The following GALNT6 variants were observed in gnomAD, a reference collection of about 807,000 sequenced individuals.
GALNT6 encodes the protein polypeptide N-acetylgalactosaminyltransferase 6, also known as GalNAc transferase 6.
A neutral mutation model predicts 65.9 loss-of-function variants in GALNT6; 51 were observed. The observed-to-expected ratio is 0.77, with a 90% confidence interval of 0.62 to 0.98. The LOEUF is 0.98. GALNT6 is among the 50% of genes least tolerant of loss of function. The probability of loss-of-function intolerance (pLI) is 0.00; values close to 1 mark genes in which losing one functional copy is unlikely to be tolerated. For synonymous variants in GALNT6, 323 were observed against 315.1 expected, an observed-to-expected ratio of 1.02 and a Z score of -0.26; for missense variants, 708 against 803.3, an observed-to-expected ratio of 0.88 and a Z score of 1.43.
At chr12:51,365,950 T>C (rs1401110554) in intron 4 of GALNT6, among the ~76,000 whole-genome samples, 2 of 152,120 alleles carry the variant, frequency 1.3e-5, no homozygotes, top group Non-Finnish European at 2.9e-5. Flanking sequence ...TGGAGTCTCA[T>C]TCTGTCACCC....
At chr12:51,373,846 G>T (rs745870421) in intron 4 of GALNT6, among the ~76,000 whole-genome samples, 1 of 152,008 alleles carries the variant, frequency 6.6e-6, no homozygotes, top group Non-Finnish European at 1.5e-5. Flanking sequence ...CCTGATACTT[G>T]CTTGCCTTGA....
intron 7 of GALNT6, chr12:51,359,926 G>C (rs1946867442): frequency 6.6e-6 from 1 of 152,152 alleles, no homozygotes; most frequent in East Asian, 1.9e-4. Context: ...CCTCCCACTG[G>C]TTTCTTCTTT....
At chr12:51,386,279 A>G (rs1247409156) in intron 2 of GALNT6, among the ~76,000 whole-genome samples, 2 of 152,144 alleles carry the variant, frequency 1.3e-5, no homozygotes, top group African/African-American at 4.8e-5. Flanking sequence ...CTCCTAGACC[A>G]CTACTCTGTT....
chr12:51,376,144 C>A (rs1322388986), intron 4 of GALNT6, among the ~76,000 whole-genome samples: 1 of 152,114 alleles, frequency 6.6e-6, no homozygotes, highest in Non-Finnish European at 1.5e-5. Flanking sequence ...AAATTACAGG[C>A]TTGAGCCACT....
At chr12:51,356,698 A>T (rs1310076430) in intron 10 of GALNT6, among the ~76,000 whole-genome samples, 1 of 152,096 alleles carries the variant, frequency 6.6e-6, no homozygotes, top group East Asian at 1.9e-4. Context: ...ATTCAATTTA[A>T]CTTAGCCTCA....
At position 51,364,365 on chromosome 12, in the gene GALNT6, C is replaced by G. The variant is rs374458382; in HGVS notation, c.815-10G>C. 51 of 1,600,504 alleles carry G rather than the reference C, an allele frequency of 3.2e-5. No individual in the cohort carries two copies. The highest frequency in any genetic ancestry group is 4.1e-5 in the Non-Finnish European group (48 of 1,167,896). On this transcript the variant is annotated splice_polypyrimidine_tract_variant and intron_variant, in intron 5 of 11. Coordinates refer to ENST00000356317, the MANE Select transcript of GALNT6 (RefSeq NM_007210.4). The stretch of plus-strand genomic sequence containing the variant: ...CCGTGGAAGCACTCACCTGCAGGCC[C>G]CAACCAGGAGGCAGCAGTCAGGGCC...
rs756473450 is a variant in GALNT6, at chr12:51,377,327, T to C, written c.532A>G (p.Thr178Ala). Residue 178 changes from threonine to alanine, a missense_variant, in exon 4 of 12, where the codon ACC becomes GCC. Thr to Ala is a moderately conservative substitution (Grantham distance 58, BLOSUM62 0). Transcript: ENST00000356317. Reference protein sequence around the residue: ...QKFRRCPPLATTSVIIVFHNE... With the variant: ...QKFRRCPPLAATSVIIVFHNE... Reference sequence around the variant, plus strand: ...TGGAACACAATGATCACGCTGGTGGTGGCCAGTGGGGGGCAGCGCCGGAAC... The same window carrying C: ...TGGAACACAATGATCACGCTGGTGGCGGCCAGTGGGGGGCAGCGCCGGAAC... 5.0e-6 allele frequency: 8 copies of C among 1,612,924 alleles called. No homozygotes were observed. The highest frequency in any genetic ancestry group is 6.8e-6 in the Non-Finnish European group (8 of 1,180,002).
At chr12:51,354,514 G>C in intron 11 of GALNT6, 22 bp from the exon 12 acceptor site, 1 of 1,482,428 alleles carries the variant, frequency 6.7e-7, no homozygotes, top group South Asian at 1.2e-5. Context: ...CAAAGCAAAA[G>C]GTCAGTCTGG....
intron 2 of GALNT6, among the ~76,000 whole-genome samples, chr12:51,390,411 G>T (rs1437855169): frequency 6.6e-6 from 1 of 152,118 alleles, no homozygotes; most frequent in Non-Finnish European, 1.5e-5. Context: ...TGATGCACCA[G>T]CCTCAGCCTC....
chr12:51,365,326 C>A (rs529163898), intron 5 of GALNT6, 104 bp downstream of exon 5: 3 of 1,128,526 alleles, frequency 2.7e-6, no homozygotes, highest in South Asian at 1.7e-5. Context: ...CCTTCACTCC[C>A]GGAAGAGAGA....
chr12:51,356,353 CTT>C (rs58408607), intron 10 of GALNT6, among the ~76,000 whole-genome samples: 2,880 of 66,994 alleles, frequency 0.043, 38 homozygotes, highest in African/African-American at 0.056. Context: ...TATATTTTCT[CTT>C]TTTTTTTTTT....
intron 5 of GALNT6, among the ~76,000 whole-genome samples, chr12:51,365,160 G>A (rs1205962127): frequency 6.6e-6 from 1 of 152,202 alleles, no homozygotes; most frequent in Non-Finnish European, 1.5e-5. Flanking sequence ...GGGAGTACAG[G>A]GAGGGATGAA....
intron 11 of GALNT6, among the ~76,000 whole-genome samples, chr12:51,354,768 C>T (rs943991413): frequency 7.9e-5 from 12 of 152,098 alleles, no homozygotes; most frequent in African/African-American, 2.4e-4. Context: ...CAGGGCCTCC[C>T]GCACCCCCAG....
intron 4 of GALNT6, among the ~76,000 whole-genome samples, chr12:51,367,122 G>C (rs1947133358): frequency 6.6e-6 from 1 of 152,076 alleles, no homozygotes; most frequent in African/African-American, 2.4e-5. Context: ...AATTAGCTGG[G>C]CACGCATGCT....
chr12:51,369,208 G>T (rs1191697957), intron 4 of GALNT6, among the ~76,000 whole-genome samples: 5 of 152,182 alleles, frequency 3.3e-5, no homozygotes, highest in Non-Finnish European at 4.4e-5. Context: ...CCTCAGGGGG[G>T]GCCCCGAGCA....
rs781256286 is a variant in GALNT6, at chr12:51,364,310, G to T, written c.860C>A (p.Ala287Asp). 1 of 1,614,200 alleles carries T rather than the reference G, an allele frequency of 6.2e-7. No homozygotes were observed. The highest frequency in any genetic ancestry group is 8.5e-7 in the Non-Finnish European group (1 of 1,180,028). ...GCTCACCACCACTGTCTTGTCCTCA[G>T]CGATTCGAGCCAGGAGGGGCTCCAG... is the stretch of plus-strand genomic sequence containing the variant. ...GWLEPLLARI[A>D]EDKTVVVSPD... The change falls in exon 6 of 12, where the codon GCT becomes GAT. Residue 287 changes from alanine (A) to aspartate (D), a missense_variant. Coordinates refer to ENST00000356317, the MANE Select transcript of GALNT6 (RefSeq NM_007210.4).
At position 51,360,821 on chromosome 12, in the gene GALNT6, C is replaced by A. The variant is rs764717323; in HGVS notation, c.1067G>T (p.Gly356Val). The A allele has an allele frequency of 6.2e-7, 1 of 1,611,742 alleles. No homozygotes were observed. Among genetic ancestry groups the A allele is most frequent in the East Asian group, 2.2e-5 (1 of 44,876 alleles). Residue 356 changes from glycine (G) to valine (V), a missense_variant, in exon 7 of 12, where the codon GGT becomes GTT. Transcript: ENST00000356317. ...TYPIKSPTFAGGLFSISKSYF... is the reference protein window; with the variant it reads ...TYPIKSPTFAVGLFSISKSYF... ...GGACTTGGAGATGGAGAAGAGGCCA[C>A]CAGCAAACGTCGGGGATCTGGAGAG...
intron 2 of GALNT6, among the ~76,000 whole-genome samples, chr12:51,382,057 G>T (rs1449789306): frequency 1.3e-5 from 2 of 152,198 alleles, no homozygotes; most frequent in African/African-American, 4.8e-5. Context: ...CTGGACTGGG[G>T]TACAAATGTG....
chr12:51,370,465 G>C (rs1482924069), intron 4 of GALNT6, among the ~76,000 whole-genome samples: 1 of 152,238 alleles, frequency 6.6e-6, no homozygotes, highest in Non-Finnish European at 1.5e-5. Context: ...AACCCAGGAG[G>C]TGGAGGTTGC....
Sources: gnomAD v4.1 joint callset for allele counts (sites outside exome capture counted in the v4.1 genomes callset) on GRCh38, gnomAD v4.1.1 for gene constraint, MANE v1.5 for transcripts, NCBI Gene and HGNC (gene_info 2026-07-23, HGNC 2026-07-21) for gene names.